The following KLHL1 variants were observed in gnomAD, a reference collection of about 807,000 sequenced individuals.
KLHL1 encodes kelch like family member 1.
Under a neutral mutation model 77.7 loss-of-function variants are expected in KLHL1, and 47 were observed. The observed-to-expected ratio is 0.60, with a 90% confidence interval of 0.48 to 0.77. The LOEUF is 0.77. Among genes scored for constraint, KLHL1 ranks in the 30% least tolerant of loss-of-function variants. The probability of loss-of-function intolerance (pLI) is 0.00; values close to 1 mark genes in which losing one functional copy is unlikely to be tolerated. For synonymous variants in KLHL1, 360 were observed against 325.2 expected, an observed-to-expected ratio of 1.11 and a Z score of -1.15; for missense variants, 925 against 910.8, an observed-to-expected ratio of 1.02 and a Z score of -0.20.
intron 1 of KLHL1, among the ~76,000 whole-genome samples, chr13:70,005,048 T>C (rs904017860): frequency 1.3e-5 from 2 of 151,916 alleles, no homozygotes; most frequent in Admixed American, 1.3e-4. Flanking sequence ...GTTTTTAGAA[T>C]ACAGGTTTTT....
At chr13:69,894,948 G>T (rs1881576298) in intron 4 of KLHL1, 1 of 462,072 alleles carries the variant, frequency 2.2e-6, no homozygotes, top group East Asian at 5.5e-5. Flanking sequence ...GCAGATCCTT[G>T]TCTACAAATG....
intron 9 of KLHL1, among the ~76,000 whole-genome samples, chr13:69,713,057 T>A (rs1875955955): frequency 6.6e-6 from 1 of 152,172 alleles, no homozygotes; most frequent in South Asian, 2.1e-4. Context: ...CACAAATTCC[T>A]GGGCTCAAGT....
intron 8 of KLHL1, among the ~76,000 whole-genome samples, chr13:69,723,232 G>A (rs1256435568): frequency 6.6e-6 from 1 of 152,166 alleles, no homozygotes; most frequent in African/African-American, 2.4e-5. Flanking sequence ...TTGCAGTTAG[G>A]AGAAATAACT....
At chr13:69,851,577 G>C (rs1220631230) in intron 5 of KLHL1, among the ~76,000 whole-genome samples, 1 of 151,792 alleles carries the variant, frequency 6.6e-6, no homozygotes, top group African/African-American at 2.4e-5. Flanking sequence ...CATAGCATTT[G>C]ATACATATTT....
intron 7 of KLHL1, among the ~76,000 whole-genome samples, chr13:69,750,425 A>C (rs943581951): frequency 6.6e-6 from 1 of 151,800 alleles, no homozygotes; most frequent in Non-Finnish European, 1.5e-5. Context: ...TTGCATATTA[A>C]GGAAAGAAAT....
chr13:69,708,782 A>T (rs1324949997), intron 9 of KLHL1, among the ~76,000 whole-genome samples: 1 of 151,964 alleles, frequency 6.6e-6, no homozygotes, highest in Non-Finnish European at 1.5e-5. Context: ...ATACAAAAAC[A>T]AAAAGGGTGG....
intron 1 of KLHL1, among the ~76,000 whole-genome samples, chr13:70,102,420 G>A (rs1887943059): frequency 1.3e-5 from 2 of 152,142 alleles, no homozygotes; most frequent in South Asian, 4.1e-4. Context: ...GGGCTAAGAA[G>A]TCATCTTTGA....
chr13:69,966,605 TC>T (rs1398682929), intron 2 of KLHL1, among the ~76,000 whole-genome samples: 1 of 152,170 alleles, frequency 6.6e-6, no homozygotes, highest in Non-Finnish European at 1.5e-5. Flanking sequence ...TCATTTCTTT[TC>T]TTTTTTCCTT....
intron 7 of KLHL1, among the ~76,000 whole-genome samples, chr13:69,794,871 CA>C (rs1373978141): frequency 6.6e-6 from 1 of 151,772 alleles, no homozygotes; most frequent in Non-Finnish European, 1.5e-5. Context: ...AGGATAAAGA[CA>C]AAAATATAAA....
intron 5 of KLHL1, among the ~76,000 whole-genome samples, chr13:69,845,129 C>T (rs1030243719): frequency 4.0e-5 from 6 of 151,596 alleles, no homozygotes; most frequent in Non-Finnish European, 1.5e-5. Flanking sequence ...TACCACAGTG[C>T]AAAGGCTGCT....
chr13:69,778,379 G>A (rs1031669876), intron 7 of KLHL1, among the ~76,000 whole-genome samples: 1 of 152,044 alleles, frequency 6.6e-6, no homozygotes, highest in Non-Finnish European at 1.5e-5. Context: ...AGTTTAAAGG[G>A]CCAGTTTTCT....
chr13:70,032,854 G>T (rs1018273056), intron 1 of KLHL1, among the ~76,000 whole-genome samples: 3 of 152,044 alleles, frequency 2.0e-5, no homozygotes, highest in Admixed American at 1.3e-4. Context: ...GTTACTATGT[G>T]GTTGGTGCAA....
rs989550053 is a variant in KLHL1 at position 70,107,792 on chromosome 13, A to T, written c.-93T>A. On this transcript the variant is annotated 5_prime_UTR_variant, in exon 1 of 11. Coordinates refer to ENST00000377844, the MANE Select transcript of KLHL1 (RefSeq NM_020866.3). ...GACAGCGGGGCCCGGGGGCGGAGGA[A>T]GAGGCGGGATGCGCCCTCTGCACCC... is the stretch of plus-strand genomic sequence containing the variant. The T allele has an allele frequency of 2.0e-6, 2 of 983,966 alleles. No individual in the cohort carries two copies. Among genetic ancestry groups the T allele is most frequent in the African/African-American group, 3.3e-5 (2 of 61,088 alleles). The allele number at this position is 983,966 out of a possible 1,614,324, so 61.0% of individuals were successfully genotyped here.
intron 3 of KLHL1, among the ~76,000 whole-genome samples, chr13:69,954,658 G>A (rs1467612590): frequency 1.3e-5 from 2 of 151,066 alleles, no homozygotes; most frequent in African/African-American, 4.8e-5. Flanking sequence ...TCTCTATTAA[G>A]CCCCATGGCA....
rs562465556 is a variant in KLHL1, at chr13:69,748,109, G to A, written c.1640-7553C>T. Among the ~76,000 whole-genome samples the A allele has an allele frequency of 9.0e-3, 1,361 of 151,956 alleles. 12 individuals are homozygous for A. Among genetic ancestry groups the A allele is most frequent in the African/African-American group, 0.031 (1,287 of 41,486 alleles). On this transcript the variant is annotated intron_variant, in intron 7 of 10. Coordinates refer to ENST00000377844, the MANE Select transcript of KLHL1 (RefSeq NM_020866.3). ...TACAGACAATAAACATATAAATATT[G>A]AAAGATTTATATATTACTATCTTTT...
At chr13:69,881,857 G>GA (rs1347016761) in intron 5 of KLHL1, among the ~76,000 whole-genome samples, 2 of 152,032 alleles carry the variant, frequency 1.3e-5, no homozygotes, top group African/African-American at 4.8e-5. Flanking sequence ...CTGAAGCTTT[G>GA]AAAATCACAC....
At chr13:69,802,375 T>C (rs1168086190) in intron 6 of KLHL1, among the ~76,000 whole-genome samples, 1 of 152,148 alleles carries the variant, frequency 6.6e-6, no homozygotes, top group African/African-American at 2.4e-5. Flanking sequence ...CTTTTGAGTA[T>C]ATACCCAAGA....
At chr13:69,878,105 G>A (rs1039510721) in intron 5 of KLHL1, among the ~76,000 whole-genome samples, 2 of 152,042 alleles carry the variant, frequency 1.3e-5, no homozygotes, top group African/African-American at 4.8e-5. Flanking sequence ...GTTTGTTGAT[G>A]AAGTCTCTTT....
intron 1 of KLHL1, among the ~76,000 whole-genome samples, chr13:69,980,044 G>A (rs1884663405): frequency 6.6e-6 from 1 of 152,096 alleles, no homozygotes; most frequent in African/African-American, 2.4e-5. Context: ...GCTATCTTTA[G>A]CATTTAATTT....
Sources: allele counts gnomAD v4.1 joint callset (sites outside exome capture counted in the v4.1 genomes callset), GRCh38; gene constraint gnomAD v4.1.1; transcripts MANE v1.5; gene names NCBI Gene and HGNC (gene_info 2026-07-23, HGNC 2026-07-21).